MGAT4C: variants seen among roughly 807,000 people sequenced by gnomAD.
MGAT4C encodes MGAT4 family member C, also known as alpha-1,3-mannosyl-glycoprotein 4-beta-N-acetylglucosaminyltransferase C.
MGAT4C carries 19 observed loss-of-function variants against 40.1 expected under a neutral mutation model. That is an observed-to-expected ratio of 0.47 (90% CI 0.33 to 0.70). MGAT4C has a LOEUF of 0.70. Among genes scored for constraint, MGAT4C ranks in the 30% least tolerant of loss-of-function variants. The pLI, the probability that MGAT4C is intolerant of heterozygous loss-of-function variation, is 0.02. For missense variants in MGAT4C, 491 were observed against 563.2 expected, an observed-to-expected ratio of 0.87 and a Z score of 1.30; for synonymous variants, 181 against 187.1, an observed-to-expected ratio of 0.97 and a Z score of 0.27.
At chr12:86,714,089 A>C (rs2059773) in intron 2 of MGAT4C, among the ~76,000 whole-genome samples, 145,416 of 152,206 alleles carry the variant, frequency 0.96, 69,699 homozygotes, top group Non-Finnish European at 1. Context: ...TGAAATTTTT[A>C]TAGAAAGCTA....
intron 2 of MGAT4C, 49 bp downstream of exon 2, chr12:86,049,625 A>C (rs79494078): frequency 0.011 from 9,811 of 910,822 alleles, 57 homozygotes; most frequent in Non-Finnish European, 0.012. Context: ...TAATACATTT[A>C]AAAAGTGTAG....
chr12:86,576,568 T>C (rs1960566635), intron 2 of MGAT4C, among the ~76,000 whole-genome samples: 1 of 152,072 alleles, frequency 6.6e-6, no homozygotes, highest in Non-Finnish European at 1.5e-5. Context: ...CACCATTTAT[T>C]GAAGAGACTG....
At chr12:86,176,481 G>T (rs1335535802) in intron 1 of MGAT4C, among the ~76,000 whole-genome samples, 2 of 151,818 alleles carry the variant, frequency 1.3e-5, no homozygotes, top group Non-Finnish European at 2.9e-5. Flanking sequence ...TTTCTGTTTT[G>T]CATACAATTT....
chr12:85,983,510 T>C lies in MGAT4C; in HGVS notation c.295+13A>G, dbSNP rs1884855956. On this transcript the variant is annotated intron_variant, in intron 4 of 4. Coordinates refer to ENST00000611864, the MANE Select transcript of MGAT4C (RefSeq NM_001351288.2). ...TTTATGTATTCTTTATTTAAATGTT[T>C]AAGGATACTTACGCTTTCTTTGTAA... 1 of 1,530,136 alleles carries C rather than the reference T, an allele frequency of 6.5e-7. No homozygotes were observed. Among genetic ancestry groups the C allele is most frequent in the Admixed American group, 2.3e-5 (1 of 43,466 alleles). 94.8% of individuals were successfully genotyped at this position (1,530,136 alleles called of 1,614,324 possible).
intron 3 of MGAT4C, among the ~76,000 whole-genome samples, chr12:86,407,981 T>C (rs1956508645): frequency 6.6e-6 from 1 of 152,118 alleles, no homozygotes; most frequent in South Asian, 2.1e-4. Context: ...AATCTAAACA[T>C]GGGTATATAT....
At chr12:86,104,413 G>A (rs1032424800) in intron 1 of MGAT4C, among the ~76,000 whole-genome samples, 3 of 151,968 alleles carry the variant, frequency 2.0e-5, no homozygotes, top group Non-Finnish European at 2.9e-5. Context: ...GCACTCTAGC[G>A]TAGGTGACAG....
chr12:86,741,053 C>T (rs552689169), intron 1 of MGAT4C, among the ~76,000 whole-genome samples: 92 of 151,050 alleles, frequency 6.1e-4, no homozygotes, highest in South Asian at 3.9e-3. Flanking sequence ...TCATTATGTT[C>T]ATGTGTACTC....
chr12:86,557,519 G>C (rs1022639006), intron 2 of MGAT4C, among the ~76,000 whole-genome samples: 1 of 152,152 alleles, frequency 6.6e-6, no homozygotes, highest in East Asian at 1.9e-4. Context: ...CATGGTGCCT[G>C]AGGACTGGCC....
chr12:86,304,811 A>C (rs1266281681), intron 4 of MGAT4C, among the ~76,000 whole-genome samples: 1 of 150,686 alleles, frequency 6.6e-6, no homozygotes, highest in Non-Finnish European at 1.5e-5. Flanking sequence ...ATAGAGCCAG[A>C]GATTAGAATG....
intron 2 of MGAT4C, among the ~76,000 whole-genome samples, chr12:86,716,915 T>A (rs1950652901): frequency 6.6e-6 from 1 of 152,064 alleles, no homozygotes; most frequent in African/African-American, 2.4e-5. Context: ...TGCAGTTGAT[T>A]CTTCCTACCT....
At chr12:86,375,521 G>A (rs941572875) in intron 3 of MGAT4C, among the ~76,000 whole-genome samples, 1 of 150,942 alleles carries the variant, frequency 6.6e-6, no homozygotes, top group African/African-American at 2.4e-5. Context: ...TTAAAGTTTT[G>A]GAATTTTTAG....
At chr12:86,702,415 A>G (rs1950379288) in intron 2 of MGAT4C, among the ~76,000 whole-genome samples, 1 of 152,164 alleles carries the variant, frequency 6.6e-6, no homozygotes, top group Non-Finnish European at 1.5e-5. Flanking sequence ...ATATCTATGA[A>G]GGAAAAGTCA....
chr12:86,316,803 C>T (rs1255757053), intron 4 of MGAT4C, among the ~76,000 whole-genome samples: 1 of 152,106 alleles, frequency 6.6e-6, no homozygotes, highest in East Asian at 1.9e-4. Context: ...ATACCATAAA[C>T]CTCAACATCA....
intron 2 of MGAT4C, among the ~76,000 whole-genome samples, chr12:86,035,591 T>C (rs1388788032): frequency 6.7e-6 from 1 of 150,140 alleles, no homozygotes; most frequent in African/African-American, 2.4e-5. Flanking sequence ...TTAGATCCTA[T>C]TTGTCAATTT....
intron 3 of MGAT4C, among the ~76,000 whole-genome samples, chr12:86,367,798 TCAAAAAAACAAA>T (rs896211933): frequency 6.8e-6 from 1 of 147,746 alleles, no homozygotes; most frequent in Non-Finnish European, 1.5e-5. Context: ...AGACTCCGTC[TCAAAAAAACAAA>T]CAAACAAACA....
At chr12:86,465,942 C>T (rs188542502) in intron 2 of MGAT4C, among the ~76,000 whole-genome samples, 1 of 152,238 alleles carries the variant, frequency 6.6e-6, no homozygotes, top group Admixed American at 6.5e-5. Context: ...GGAGTGGTGG[C>T]TCATGCTTGT....
chr12:85,959,390 T>C lies in MGAT4C; in HGVS notation c.*19899A>G, dbSNP rs1368976616. 2.0e-5 allele frequency: 3 copies of C among 152,120 alleles called. No homozygotes were observed. The highest frequency in any genetic ancestry group is 6.6e-5 in the Admixed American group (1 of 15,252). 9.4% of individuals were successfully genotyped at this position (152,120 alleles called of 1,614,324 possible). The stretch of plus-strand genomic sequence containing the variant: ...CTTTGCTTTACAGGGCTTCAAGTTA[T>C]AGATTTTTCTTTTTTCCTTTTCTCT... On this transcript the variant is annotated 3_prime_UTR_variant, in exon 5 of 5. Transcript: ENST00000611864.
chr12:86,611,383 CATAG>C (rs1184117658), intron 2 of MGAT4C, among the ~76,000 whole-genome samples: 2 of 143,892 alleles, frequency 1.4e-5, no homozygotes, highest in East Asian at 2.0e-4. Context: ...ATAGAGGTCC[CATAG>C]ATAGGTAGGT....
At chr12:86,352,331 T>G (rs191087609) in intron 3 of MGAT4C, among the ~76,000 whole-genome samples, 1 of 152,220 alleles carries the variant, frequency 6.6e-6, no homozygotes, top group Non-Finnish European at 1.5e-5. Flanking sequence ...TGAAAAAAAT[T>G]AGTTCAATTA....
Sources: gnomAD v4.1 joint callset for allele counts (sites outside exome capture counted in the v4.1 genomes callset) on GRCh38, gnomAD v4.1.1 for gene constraint, MANE v1.5 for transcripts, NCBI Gene and HGNC (gene_info 2026-07-23, HGNC 2026-07-21) for gene names.